The following ATAD1 variants were observed in gnomAD, a reference collection of about 807,000 sequenced individuals.
ATAD1 encodes the protein outer mitochondrial transmembrane helix translocase.
In ATAD1, 18 loss-of-function variants were observed where a neutral mutation model predicts 42.7. That is an observed-to-expected ratio of 0.42 (90% confidence interval 0.29 to 0.63). ATAD1 has a LOEUF of 0.63. Among genes scored for constraint, ATAD1 ranks in the 20% least tolerant of loss-of-function variants. The pLI is 0.19. For synonymous variants in ATAD1, 132 were observed against 143.1 expected (o/e 0.92, Z 0.55); for missense variants, 294 against 440.4 (o/e 0.67, Z 2.98).
At chr10:87,796,060 T>G (rs1473678436) in intron 2 of ATAD1, among the ~76,000 whole-genome samples, 2 of 152,238 alleles carry the variant, frequency 1.3e-5, no homozygotes, top group Non-Finnish European at 2.9e-5. Context: ...AGTATGTAAG[T>G]ATCTTTATAT....
rs1857696115 is a variant in ATAD1, at chr10:87,824,839, C to A, written c.-13-10227G>T. ...TCTCACATTCCCATTCTTAATACAC[C>A]CCTCTGGCTGAGTCTTACTGATCAG... is the stretch of plus-strand genomic sequence containing the variant. On this transcript the variant is annotated intron_variant, in intron 1 of 4. Transcript: ENST00000495903. Among the ~76,000 whole-genome samples the A allele has an allele frequency of 2.0e-5, 3 of 152,146 alleles. No individual in the cohort carries two copies. In the East Asian group the frequency reaches 5.8e-4, roughly 29 times the overall value.
At chr10:87,769,995 A>C (rs1854954848) in intron 7 of ATAD1, among the ~76,000 whole-genome samples, 2 of 152,204 alleles carry the variant, frequency 1.3e-5, no homozygotes, top group Admixed American at 6.5e-5. Context: ...CTCCTAAATT[A>C]AGTTTAAAAA....
At chr10:87,771,315 C>A (rs894369474) in intron 6 of ATAD1, among the ~76,000 whole-genome samples, 1 of 152,072 alleles carries the variant, frequency 6.6e-6, no homozygotes, top group Admixed American at 6.6e-5. Context: ...CAAATAGCCA[C>A]TGAAAAATTA....
chr10:87,792,532 C>T (rs1856173775), intron 3 of ATAD1, 125 bp downstream of exon 3: 1 of 672,558 alleles, frequency 1.5e-6, no homozygotes, highest in Non-Finnish European at 2.5e-6. Flanking sequence ...CAACTATATG[C>T]CGAGTCTTAT....
intron 9 of ATAD1, among the ~76,000 whole-genome samples, chr10:87,756,208 G>A (rs1480798627): frequency 1.3e-5 from 2 of 152,146 alleles, no homozygotes; most frequent in African/African-American, 4.8e-5. Context: ...AGTTCACCAA[G>A]AATCACAGAA....
chr10:87,776,814 C>T (rs1855325240), intron 5 of ATAD1, among the ~76,000 whole-genome samples: 1 of 151,926 alleles, frequency 6.6e-6, no homozygotes, highest in Non-Finnish European at 1.5e-5. Context: ...TCCTAACATA[C>T]TGAAATGATA....
In ATAD1 at chr10:87,769,333, C is replaced by G. The variant is rs370940615; in HGVS notation, c.781-1610G>C. Among the ~76,000 whole-genome samples the G allele has an allele frequency of 1.3e-5, 2 of 152,288 alleles. 1 individual carries two copies. The highest frequency in any genetic ancestry group is 4.8e-5 in the African/African-American group (2 of 41,562). On this transcript the variant is annotated intron_variant, in intron 7 of 9. Coordinates refer to ENST00000680024, the MANE Select transcript of ATAD1 (RefSeq NM_001321967.2). ...CTCACCAAACTACCCTCAGAACTCA[C>G]CATTAAACAGTGCTTCCACAAATTC...
At chr10:87,811,334 AAAATAAATAAAT>A (rs71022509) in intron 2 of ATAD1, among the ~76,000 whole-genome samples, 2 of 149,600 alleles carry the variant, frequency 1.3e-5, no homozygotes, top group Non-Finnish European at 3.0e-5. Flanking sequence ...CTCCAACTCA[AAAATAAATAAAT>A]AAATAAATAA....
At position 87,771,040 on chromosome 10, in the gene ATAD1, A is replaced by G. The variant is rs1855006710; in HGVS notation, c.692T>C (p.Val231Ala). The change falls in exon 7 of 10, where the codon GTC becomes GCC. Residue 231 changes from valine to alanine, a missense_variant and splice_region_variant. Physicochemically the swap from Val to Ala is moderately conservative, Grantham distance 64 (BLOSUM62 0). Coordinates refer to ENST00000680024, the MANE Select transcript of ATAD1 (RefSeq NM_001321967.2). ...DGLDTDHSCQ[V>A]IVMGATNRPQ... The stretch of plus-strand genomic sequence containing the variant: ...ACGATTGGTAGCTCCCATTACTATG[A>G]CCTAAGTGTATAAAGAAGACAGAAG... 6.2e-7 allele frequency: 1 copy of G among 1,610,538 alleles called. No individual in the cohort carries two copies. Among genetic ancestry groups the G allele is most frequent in the Non-Finnish European group, 8.5e-7 (1 of 1,177,310 alleles).
chr10:87,786,339 C>T (rs2131895511), intron 4 of ATAD1, among the ~76,000 whole-genome samples: 1 of 152,234 alleles, frequency 6.6e-6, no homozygotes, highest in East Asian at 1.9e-4. Flanking sequence ...TACTCTACCA[C>T]TTCATAAACA....
At chr10:87,790,777 G>C (rs934640996) in intron 3 of ATAD1, among the ~76,000 whole-genome samples, 4 of 152,146 alleles carry the variant, frequency 2.6e-5, no homozygotes, top group Non-Finnish European at 5.9e-5. Flanking sequence ...TGGCTGATGG[G>C]AAAGAGCTCA....
chr10:87,772,298 A>C (rs891383945), intron 6 of ATAD1, among the ~76,000 whole-genome samples: 1 of 151,854 alleles, frequency 6.6e-6, no homozygotes, highest in African/African-American at 2.4e-5. Flanking sequence ...TCTTTAGTAG[A>C]GACAAGGTCT....
intron 6 of ATAD1, 24 bp downstream of exon 6, chr10:87,776,297 T>C (rs752642215): frequency 7.6e-6 from 12 of 1,570,212 alleles, no homozygotes; most frequent in Admixed American, 3.5e-5. Flanking sequence ...CAACACAAGT[T>C]GAGGGCAGAT....
At chr10:87,771,328 A>T (rs1855019873) in intron 6 of ATAD1, among the ~76,000 whole-genome samples, 1 of 152,230 alleles carries the variant, frequency 6.6e-6, no homozygotes, top group African/African-American at 2.4e-5. Context: ...AAAAATTATT[A>T]AAATTTGCTT....
At chr10:87,763,895 C>T (rs1025673390) in intron 8 of ATAD1, among the ~76,000 whole-genome samples, 5 of 151,992 alleles carry the variant, frequency 3.3e-5, no homozygotes, top group African/African-American at 1.2e-4. Flanking sequence ...AATGAGAATC[C>T]ACCAAAAATA....
intron 8 of ATAD1, 27 bp from the exon 9 acceptor site, chr10:87,756,949 A>G: frequency 6.4e-7 from 1 of 1,558,590 alleles, no homozygotes. Context: ...AACATGCTTA[A>G]AAAACAAAAA....
At chr10:87,796,450 A>C (rs991660838) in intron 2 of ATAD1, among the ~76,000 whole-genome samples, 9 of 152,198 alleles carry the variant, frequency 5.9e-5, no homozygotes, top group African/African-American at 1.9e-4. Flanking sequence ...ATGACCTGGA[A>C]GCCCCCTCCC....
At chr10:87,807,305 A>G (rs1312894626) in intron 2 of ATAD1, among the ~76,000 whole-genome samples, 3 of 152,156 alleles carry the variant, frequency 2.0e-5, no homozygotes, top group Non-Finnish European at 4.4e-5. Context: ...GTTCTTCGCT[A>G]TATGCCCAGA....
rs572979107 is a variant in ATAD1, at chr10:87,756,007, T to C, written c.965+782A>G. Among the ~76,000 whole-genome samples, 10 of 152,360 alleles carry C rather than the reference T, an allele frequency of 6.6e-5. No homozygotes were observed. The East Asian group carries it at 7.7e-4, about 12-fold the overall frequency. On this transcript the variant is annotated intron_variant, in intron 9 of 9. Transcript: ENST00000680024. ...CTACCAGTTGACAGAGTAGCTTTCA[T>C]GCAGACCTTTCTATATCAAAGCTCG...
Sources: gnomAD v4.1 joint callset for allele counts (sites outside exome capture counted in the v4.1 genomes callset) on GRCh38, gnomAD v4.1.1 for gene constraint, MANE v1.5 for transcripts, NCBI Gene and HGNC (gene_info 2026-07-23, HGNC 2026-07-21) for gene names.